Variants in TAS2R1 observed in about 807,000 individuals in gnomAD.
TAS2R1 encodes taste receptor type 2 member 1.
For missense variants in TAS2R1, 370 were observed against 353.4 expected, an observed-to-expected ratio of 1.05 and a Z score of -0.38; for synonymous variants, 141 against 134.2, an observed-to-expected ratio of 1.05 and a Z score of -0.35.
At chr5:9,694,002 A>G (rs1741307468) in intron 1 of TAS2R1, among the ~76,000 whole-genome samples, 1 of 152,210 alleles carries the variant, frequency 6.6e-6, no homozygotes, top group Non-Finnish European at 1.5e-5. Context: ...GTAAATTGAG[A>G]AGAACGAGCT....
At chr5:9,695,852 G>A (rs546112405) in intron 1 of TAS2R1, among the ~76,000 whole-genome samples, 91 of 152,306 alleles carry the variant, frequency 6.0e-4, no homozygotes, top group Non-Finnish European at 8.8e-4. Context: ...AGCATGGAGG[G>A]AAAGGCTTCT....
the TAS2R1 span, among the ~76,000 whole-genome samples, chr5:9,785,915 A>G: frequency 7.2e-5 from 11 of 152,250 alleles, no homozygotes; most frequent in South Asian, 2.1e-4. Context: ...TTGTTCCCAA[A>G]CCCACCCTCC....
At chr5:9,693,547 A>AG (rs1554054256) in intron 1 of TAS2R1, among the ~76,000 whole-genome samples, 19 of 136,794 alleles carry the variant, frequency 1.4e-4, no homozygotes, top group South Asian at 9.7e-4. Context: ...AAAAAAAAAA[A>AG]AGAGAGAGAA....
chr5:9,838,085 C>T, the TAS2R1 span, among the ~76,000 whole-genome samples: 2 of 152,136 alleles, frequency 1.3e-5, no homozygotes, highest in Non-Finnish European at 2.9e-5. Context: ...GAGACAACCC[C>T]CCCAGGGCAG....
rs751997597 is a variant in TAS2R1 at position 9,629,814 on chromosome 5, T to C, written c.219A>G (p.Ile73Met). The part of the protein sequence containing the change: ...FYVNVIVIFF[I>M]EFIMCSANCA... ...AATTCGCAGAACACATGATGAATTC[T>C]ATGAAGAAGATAACAATCACATTAA... Residue 73 changes from isoleucine (I) to methionine (M), a missense_variant, in exon 1 of 1, where the codon ATA becomes ATG. By Grantham distance (10) the Ile-to-Met change is conservative. Coordinates refer to ENST00000382492, the MANE Select transcript of TAS2R1 (RefSeq NM_019599.3). 6.8e-6 allele frequency: 11 copies of C among 1,613,756 alleles called. No homozygotes were observed. Among genetic ancestry groups the C allele is most frequent in the Non-Finnish European group, 9.3e-6 (11 of 1,179,900 alleles).
intron 1 of TAS2R1, among the ~76,000 whole-genome samples, chr5:9,693,952 A>G (rs1312026638): frequency 6.6e-6 from 1 of 152,230 alleles, no homozygotes; most frequent in Non-Finnish European, 1.5e-5. Context: ...ATAACGCAAT[A>G]ACCCTCACCT....
chr5:9,859,703 C>T, the TAS2R1 span, among the ~76,000 whole-genome samples: 5 of 152,278 alleles, frequency 3.3e-5, no homozygotes, highest in East Asian at 9.7e-4. Context: ...TTGCTGCTTG[C>T]CTCTCCCACA....
the TAS2R1 span, among the ~76,000 whole-genome samples, chr5:9,725,795 G>C: frequency 2.0e-5 from 3 of 152,246 alleles, no homozygotes; most frequent in Non-Finnish European, 4.4e-5. Context: ...GGGCTCCTGC[G>C]TCTGGTGGGG....
At chr5:9,778,798 T>C in the TAS2R1 span, among the ~76,000 whole-genome samples, 1 of 152,256 alleles carries the variant, frequency 6.6e-6, no homozygotes, top group African/African-American at 2.4e-5. Context: ...GGGGCTGTTG[T>C]TGCTGATTTG....
At chr5:9,817,380 G>A in the TAS2R1 span, among the ~76,000 whole-genome samples, 1 of 152,136 alleles carries the variant, frequency 6.6e-6, no homozygotes. Context: ...ACTTTTTAAT[G>A]ACAATTTTAC....
intron 2 of TAS2R1, among the ~76,000 whole-genome samples, chr5:9,640,518 A>AAAAAAAAAAAAAC (rs1740058711): frequency 6.7e-6 from 1 of 148,290 alleles, no homozygotes. Context: ...AAAAAAAAAA[A>AAAAAAAAAAAAAC]AAAACAGTAC....
At chr5:9,833,185 C>T in the TAS2R1 span, among the ~76,000 whole-genome samples, 2 of 152,166 alleles carry the variant, frequency 1.3e-5, no homozygotes, top group Admixed American at 1.3e-4. Flanking sequence ...CTCAGGCGAG[C>T]CTCAGAGAGA....
chr5:9,863,526 T>C, the TAS2R1 span, among the ~76,000 whole-genome samples: 8 of 152,106 alleles, frequency 5.3e-5, no homozygotes, highest in African/African-American at 1.4e-4. Flanking sequence ...TGGCCTCCCA[T>C]AGTGTTTGGA....
the TAS2R1 span, among the ~76,000 whole-genome samples, chr5:9,762,187 C>CGCTAAGG: frequency 2.0e-5 from 3 of 152,124 alleles, no homozygotes; most frequent in Non-Finnish European, 2.9e-5. Flanking sequence ...AGATGGAAGC[C>CGCTAAGG]GCTAAGGGTA....
chr5:9,642,252 G>A (rs1440577165), intron 2 of TAS2R1, among the ~76,000 whole-genome samples: 1 of 152,164 alleles, frequency 6.6e-6, no homozygotes, highest in East Asian at 1.9e-4. Context: ...ATGAAAGTGA[G>A]TGGTGGTTTT....
intron 2 of TAS2R1, among the ~76,000 whole-genome samples, chr5:9,651,903 C>T (rs1305564432): frequency 6.6e-6 from 1 of 152,170 alleles, no homozygotes; most frequent in African/African-American, 2.4e-5. Context: ...GTCCATCTCC[C>T]CATCTGTACC....
chr5:9,721,587 C>T, the TAS2R1 span, among the ~76,000 whole-genome samples: 2 of 152,226 alleles, frequency 1.3e-5, no homozygotes, highest in Non-Finnish European at 2.9e-5. Flanking sequence ...CTCTTCCTAG[C>T]TCACCTCCTA....
chr5:9,850,564 C>T, the TAS2R1 span, among the ~76,000 whole-genome samples: 3 of 152,214 alleles, frequency 2.0e-5, no homozygotes, highest in Admixed American at 2.0e-4. Context: ...TGTTCAGGCA[C>T]TGTTGCCAAA....
the TAS2R1 span, among the ~76,000 whole-genome samples, chr5:9,851,066 C>T: frequency 2.0e-5 from 3 of 152,184 alleles, no homozygotes; most frequent in South Asian, 2.1e-4. Context: ...GCTAAATCCA[C>T]GACCTGAGAT....
Sources: gnomAD v4.1 joint callset for allele counts (sites outside exome capture counted in the v4.1 genomes callset) on GRCh38, gnomAD v4.1.1 for gene constraint, MANE v1.5 for transcripts, NCBI Gene and HGNC (gene_info 2026-07-23, HGNC 2026-07-21) for gene names.